Variants in CDH19 observed in about 807,000 individuals in gnomAD.
CDH19 encodes the protein cadherin-19.
A neutral mutation model predicts 64.2 loss-of-function variants in CDH19; 67 were observed. That is an observed-to-expected ratio of 1.04 (90% CI 0.86 to 1.28). CDH19 has a LOEUF of 1.28. Ranked by LOEUF, CDH19 falls within the 50% of genes most tolerant of loss-of-function variation. The probability of loss-of-function intolerance (pLI) is 0.00; values close to 1 mark genes in which losing one functional copy is unlikely to be tolerated. For synonymous variants in CDH19, 346 were observed against 319.3 expected (o/e 1.08, Z -0.89); for missense variants, 1,030 against 929.0 (o/e 1.11, Z -1.41).
intron 9 of CDH19, among the ~76,000 whole-genome samples, chr18:66,522,945 C>A (rs906968188): frequency 2.0e-5 from 3 of 150,870 alleles, no homozygotes; most frequent in Non-Finnish European, 4.4e-5. Context: ...AAATTGATAC[C>A]TTTTCCTAAA....
chr18:66,573,449 T>G (rs939317993), intron 1 of CDH19, among the ~76,000 whole-genome samples: 8 of 151,624 alleles, frequency 5.3e-5, no homozygotes, highest in African/African-American at 1.9e-4. Flanking sequence ...AGCAGATGTA[T>G]TCCTTGTTAA....
chr18:66,522,587 C>T (rs990347932), intron 9 of CDH19, among the ~76,000 whole-genome samples: 18 of 152,062 alleles, frequency 1.2e-4, no homozygotes, highest in Admixed American at 5.9e-4. Context: ...ATGTTTTACA[C>T]AGCTTTCAAA....
chr18:66,598,774 C>G (rs137953522), intron 1 of CDH19, among the ~76,000 whole-genome samples: 2 of 151,866 alleles, frequency 1.3e-5, no homozygotes, highest in African/African-American at 4.8e-5. Context: ...TACACTAAAC[C>G]GCAGCAACAT....
At position 66,568,701 on chromosome 18, in the gene CDH19, C is replaced by A. The variant is rs1305208782; in HGVS notation, c.205G>T (p.Asp69Tyr). ...TSHHIGQLRS[D>Y]LDNGNNSFQY... ...AAAGAATTGTTTCCATTGTCTAAAT[C>A]AGATCTTAGCTGCAAATGGAAAGAG... The change falls in exon 3 of 12, where the codon GAT becomes TAT. Residue 69 changes from aspartate to tyrosine, a missense_variant. Asp to Tyr is a radical substitution (Grantham distance 160). Coordinates refer to ENST00000262150, the MANE Select transcript of CDH19 (RefSeq NM_021153.4). 2 of 1,597,322 alleles carry A rather than the reference C, an allele frequency of 1.3e-6. No homozygotes were observed. Among genetic ancestry groups the A allele is most frequent in the South Asian group, 1.1e-5 (1 of 89,418 alleles).
chr18:66,572,079 C>T lies in CDH19; in HGVS notation c.126G>A (p.Lys42=), dbSNP rs749974619. ...KQPVRSHLRV[K]RGWVWNQFFV... is the part of the protein sequence containing the mutation. The stretch of plus-strand genomic sequence containing the variant: ...AAAATTGGTTCCACACCCAGCCACG[C>T]TTCACTCTCAAATGAGATCGCACTG... Residue 42 remains lysine, a synonymous_variant, in exon 2 of 12, where the codon AAG becomes AAA. Coordinates refer to ENST00000262150, the MANE Select transcript of CDH19 (RefSeq NM_021153.4). The T allele has an allele frequency of 6.2e-7, 1 of 1,611,588 alleles. No homozygotes were observed. Among genetic ancestry groups the T allele is most frequent in the South Asian group, 1.1e-5 (1 of 91,002 alleles).
chr18:66,522,965 TATAA>T (rs1986060480), intron 9 of CDH19, among the ~76,000 whole-genome samples: 2 of 151,788 alleles, frequency 1.3e-5, no homozygotes, highest in Admixed American at 6.6e-5. Context: ...AACATTAATT[TATAA>T]ATATTTATAC....
At chr18:66,548,785 C>T (rs1357519040) in intron 5 of CDH19, among the ~76,000 whole-genome samples, 1 of 152,082 alleles carries the variant, frequency 6.6e-6, no homozygotes, top group Non-Finnish European at 1.5e-5. Flanking sequence ...TAAATCTTCT[C>T]TAAAGAGAAA....
intron 1 of CDH19, among the ~76,000 whole-genome samples, chr18:66,590,267 G>A (rs1471826750): frequency 6.6e-6 from 1 of 151,776 alleles, no homozygotes; most frequent in East Asian, 1.9e-4. Context: ...ACCATACTGA[G>A]TGTTTACTCT....
intron 1 of CDH19, among the ~76,000 whole-genome samples, chr18:66,592,851 A>G (rs190933582): frequency 9.9e-4 from 150 of 152,048 alleles, no homozygotes; most frequent in Admixed American, 1.9e-3. Context: ...ATATTGCAAT[A>G]CACATTGGAA....
intron 4 of CDH19, among the ~76,000 whole-genome samples, chr18:66,551,462 A>C (rs1159380087): frequency 6.6e-6 from 1 of 152,044 alleles, no homozygotes; most frequent in African/African-American, 2.4e-5. Context: ...CAATATTAGG[A>C]ACACTGGTAG....
chr18:66,576,083 A>C lies in CDH19; in HGVS notation c.-112-3767T>G, dbSNP rs181038101. The stretch of plus-strand genomic sequence containing the variant: ...TTTACTACAGGCTACAAAATAGATA[A>C]AACTGAAGCCTAAAGAATACTCAAT... On this transcript the variant is annotated intron_variant, in intron 1 of 11. Transcript: ENST00000262150. Among the ~76,000 whole-genome samples the C allele has an allele frequency of 5.0e-3, 759 of 151,730 alleles. 10 individuals are homozygous for C. Among genetic ancestry groups the C allele is most frequent in the African/African-American group, 0.017 (717 of 41,498 alleles).
chr18:66,503,777 G>C lies in CDH19; in HGVS notation c.*1035C>G, dbSNP rs940779140. On this transcript the variant is annotated 3_prime_UTR_variant, in exon 12 of 12. Transcript: ENST00000262150. ...ACTCTGATTAATTTGTATACACCAA[G>C]TATCTGTTCAAATTTGAAATCAGTT... The C allele has an allele frequency of 7.9e-5, 12 of 151,778 alleles. No homozygotes were observed. The highest frequency in any genetic ancestry group is 2.9e-4 in the African/African-American group (12 of 41,386). The allele number at this position is 151,778 out of a possible 1,614,324, so 9.4% of individuals were successfully genotyped here. A position where few individuals can be genotyped will look rare whatever the true frequency, so the allele number is the denominator to read the frequency against.
At chr18:66,561,880 T>C (rs942091271) in intron 3 of CDH19, among the ~76,000 whole-genome samples, 7 of 152,126 alleles carry the variant, frequency 4.6e-5, no homozygotes, top group African/African-American at 1.7e-4. Context: ...ATTGTTTGCA[T>C]TACTCTGGAG....
chr18:66,581,118 G>A lies in CDH19; in HGVS notation c.-112-8802C>T, dbSNP rs76547439. ...AAAAATCTACCTAACATTTCAGTATGAAGAAATGCTAATACTATGTCTTAT... is the reference window on the plus strand; with the variant it reads ...AAAAATCTACCTAACATTTCAGTATAAAGAAATGCTAATACTATGTCTTAT... On this transcript the variant is annotated intron_variant, in intron 1 of 11. Coordinates refer to ENST00000262150, the MANE Select transcript of CDH19 (RefSeq NM_021153.4). 6.7e-3 allele frequency among the ~76,000 whole-genome samples: 1,018 copies of A among 152,194 alleles called. 8 individuals are homozygous for A. Among genetic ancestry groups the A allele is most frequent in the Middle Eastern group, 0.024 (7 of 294 alleles).
Position 66,538,822 on chromosome 18 carries a change from T to C in CDH19, c.1215-3715A>G, listed in dbSNP as rs539765519. Among the ~76,000 whole-genome samples, 7 of 152,202 alleles carry C rather than the reference T, an allele frequency of 4.6e-5. No individual in the cohort carries two copies. The South Asian group carries it at 1.0e-3, about 23-fold the overall frequency. ...TGCTAGTCTTCCACTTGTAGACGCA[T>C]CGCTCTGATCTCTGCTTCGGTTGTC... On this transcript the variant is annotated intron_variant, in intron 7 of 11. Coordinates refer to ENST00000262150, the MANE Select transcript of CDH19 (RefSeq NM_021153.4).
intron 5 of CDH19, among the ~76,000 whole-genome samples, chr18:66,546,224 T>C (rs1987112019): frequency 6.6e-6 from 1 of 152,130 alleles, no homozygotes; most frequent in Non-Finnish European, 1.5e-5. Flanking sequence ...GACCTTACTT[T>C]TTAAGTGGAA....
In CDH19 at chr18:66,504,218, G is replaced by A. The variant is rs781148981; in HGVS notation, c.*594C>T. 4.1e-5 allele frequency: 6 copies of A among 147,668 alleles called. No individual in the cohort carries two copies. Among genetic ancestry groups the A allele is most frequent in the South Asian group, 2.1e-4 (1 of 4,708 alleles). The allele number at this position is 147,668 out of a possible 1,614,324, so 9.1% of individuals were successfully genotyped here. A position where few individuals can be genotyped will look rare whatever the true frequency, so the allele number is the denominator to read the frequency against. Reference sequence around the variant, plus strand: ...CAGAAAGCCTTATTTACATTTTCTCGTCTATTTTCCATGGATTCCTCCAAC... The same window carrying A: ...CAGAAAGCCTTATTTACATTTTCTCATCTATTTTCCATGGATTCCTCCAAC... On this transcript the variant is annotated 3_prime_UTR_variant, in exon 12 of 12. Transcript: ENST00000262150.
At chr18:66,542,018 T>G (rs1044061808) in intron 7 of CDH19, among the ~76,000 whole-genome samples, 2 of 152,158 alleles carry the variant, frequency 1.3e-5, no homozygotes, top group Non-Finnish European at 2.9e-5. Flanking sequence ...ATTTACTCAC[T>G]TGTACTCCTA....
chr18:66,545,136 G>A (rs1241478232), intron 5 of CDH19, among the ~76,000 whole-genome samples: 4 of 151,670 alleles, frequency 2.6e-5, no homozygotes, highest in African/African-American at 7.3e-5. Context: ...CCACCACCAC[G>A]CCCGGCTAAT....
Sources: gnomAD v4.1 joint callset for allele counts (sites outside exome capture counted in the v4.1 genomes callset) on GRCh38, gnomAD v4.1.1 for gene constraint, MANE v1.5 for transcripts, NCBI Gene and HGNC (gene_info 2026-07-23, HGNC 2026-07-21) for gene names.